CLASP2: variants seen among roughly 807,000 people sequenced by gnomAD.
CLASP2 encodes the protein cytoplasmic linker associated protein 2.
CLASP2 carries 47 observed loss-of-function variants against 194.4 expected under a neutral mutation model. The observed-to-expected ratio is 0.24, with a 90% CI of 0.19 to 0.31. CLASP2 has a LOEUF of 0.31. Ranked by LOEUF, CLASP2 falls within the 10% of genes least tolerant of loss-of-function variation. CLASP2 has a pLI of 1.00. For missense variants in CLASP2, 1,445 were observed against 1,823.6 expected, an observed-to-expected ratio of 0.79 and a Z score of 3.78; for synonymous variants, 619 against 633.5, an observed-to-expected ratio of 0.98 and a Z score of 0.34.
At chr3:33,660,849 CAGTTTT>C (rs944456833) in intron 7 of CLASP2, among the ~76,000 whole-genome samples, 11 of 152,128 alleles carry the variant, frequency 7.2e-5, no homozygotes, top group African/African-American at 1.4e-4. Context: ...ACTTTATTTA[CAGTTTT>C]AGTTTTAGTT....
intron 13 of CLASP2, among the ~76,000 whole-genome samples, chr3:33,609,964 G>A (rs532468848): frequency 5.0e-4 from 76 of 152,292 alleles, no homozygotes; most frequent in South Asian, 4.2e-4. Context: ...TCTGACTCCA[G>A]AACTCACAGT....
At position 33,559,294 on chromosome 3, in the gene CLASP2, C is replaced by A. The variant is rs755950866; in HGVS notation, c.3009+13G>T. The A allele has an allele frequency of 2.0e-6, 3 of 1,465,188 alleles. No homozygotes were observed. The highest frequency in any genetic ancestry group is 2.8e-6 in the Non-Finnish European group (3 of 1,056,376). The allele number at this position is 1,465,188 out of a possible 1,614,324, so 90.8% of individuals were successfully genotyped here. On this transcript the variant is annotated intron_variant, in intron 29 of 38. Transcript: ENST00000682230. Reference sequence around the variant, plus strand: ...ATTCTTTATAATGTCTTCAAAAGATCTCAAAGTTTTACCTTTAAGCTTGGT... The same window carrying A: ...ATTCTTTATAATGTCTTCAAAAGATATCAAAGTTTTACCTTTAAGCTTGGT...
intron 30 of CLASP2, among the ~76,000 whole-genome samples, chr3:33,545,712 C>T (rs1299537626): frequency 2.0e-5 from 3 of 152,042 alleles, no homozygotes; most frequent in African/African-American, 7.2e-5. Flanking sequence ...GAGTTCGAGA[C>T]CAGTCTGGCT....
At chr3:33,583,705 T>C (rs750697408) in intron 22 of CLASP2, among the ~76,000 whole-genome samples, 22 of 152,276 alleles carry the variant, frequency 1.4e-4, no homozygotes, top group Non-Finnish European at 2.4e-4. Flanking sequence ...AAACAAGAAA[T>C]AGAAATATGA....
At chr3:33,626,177 C>A (rs957520533) in intron 10 of CLASP2, among the ~76,000 whole-genome samples, 1 of 151,984 alleles carries the variant, frequency 6.6e-6, no homozygotes, top group African/African-American at 2.4e-5. Flanking sequence ...CAAAAATGGT[C>A]CTTTGTTCAT....
At chr3:33,577,043 G>A (rs1217147198) in intron 23 of CLASP2, among the ~76,000 whole-genome samples, 3 of 101,774 alleles carry the variant, frequency 2.9e-5, no homozygotes, top group Admixed American at 1.2e-4. Context: ...AGGGGAAAAC[G>A]TTACTTGGGA....
At chr3:33,693,439 T>G (rs1187470174) in intron 2 of CLASP2, among the ~76,000 whole-genome samples, 1 of 152,132 alleles carries the variant, frequency 6.6e-6, no homozygotes, top group African/African-American at 2.4e-5. Context: ...TCCTTCCTTT[T>G]ACAGAAAGAC....
rs1402889245 is a variant in CLASP2, at chr3:33,684,457, CT to C, written c.547-2del. Reference sequence around the variant, plus strand: ...TAGCCAATATTGCAGCATCTCTCACCTGTCAAAGAATTCAGAACTTTTTAAT... The same window carrying C: ...TAGCCAATATTGCAGCATCTCTCACCGTCAAAGAATTCAGAACTTTTTAAT... On this transcript the variant is annotated splice_acceptor_variant, in intron 5 of 38. Transcript: ENST00000682230. LOFTEE classifies it high-confidence loss of function. The C allele has an allele frequency of 2.5e-6, 4 of 1,573,852 alleles. No homozygotes were observed. The highest frequency in any genetic ancestry group is 3.5e-6 in the Non-Finnish European group (4 of 1,158,610).
At chr3:33,577,115 A>T in intron 23 of CLASP2, 1 of 999,780 alleles carries the variant, frequency 1.0e-6, no homozygotes, top group Non-Finnish European at 1.4e-6. Context: ...AATCAATTTT[A>T]AAACATGAAT....
chr3:33,511,030 A>ATTT (rs397875429), intron 36 of CLASP2, among the ~76,000 whole-genome samples: 6 of 105,884 alleles, frequency 5.7e-5, no homozygotes, highest in Admixed American at 1.0e-4. Context: ...TGGCTAAAGT[A>ATTT]TTTTTTTTTT....
chr3:33,648,297 G>A (rs2082620720), intron 7 of CLASP2, among the ~76,000 whole-genome samples: 1 of 151,990 alleles, frequency 6.6e-6, no homozygotes, highest in African/African-American at 2.4e-5. Flanking sequence ...AAAGGTTAGG[G>A]AAAGACAGAC....
At chr3:33,640,147 A>G (rs1435854620) in intron 8 of CLASP2, among the ~76,000 whole-genome samples, 1 of 152,234 alleles carries the variant, frequency 6.6e-6, no homozygotes, top group Non-Finnish European at 1.5e-5. Context: ...CAGAAAGCTG[A>G]AAAACAAAAT....
chr3:33,642,225 T>G (rs2081434226), intron 8 of CLASP2, among the ~76,000 whole-genome samples: 1 of 151,922 alleles, frequency 6.6e-6, no homozygotes, highest in African/African-American at 2.4e-5. Context: ...AAGAAATCAT[T>G]GCAGATGTGC....
At chr3:33,605,836 C>T (rs2073706473) in intron 16 of CLASP2, among the ~76,000 whole-genome samples, 1 of 152,104 alleles carries the variant, frequency 6.6e-6, no homozygotes, top group Non-Finnish European at 1.5e-5. Context: ...GTCTCGAACT[C>T]CTGACCTCAG....
chr3:33,589,100 T>C (rs1324584361), intron 21 of CLASP2, among the ~76,000 whole-genome samples: 1 of 152,016 alleles, frequency 6.6e-6, no homozygotes, highest in Admixed American at 6.6e-5. Flanking sequence ...AAGGAACAAC[T>C]ACAATATTGT....
At chr3:33,562,277 C>G (rs1282772627) in intron 27 of CLASP2, among the ~76,000 whole-genome samples, 1 of 152,168 alleles carries the variant, frequency 6.6e-6, no homozygotes, top group African/African-American at 2.4e-5. Context: ...CACCACTACC[C>G]CCATAATCCC....
chr3:33,514,821 TACAC>T (rs62935860), intron 36 of CLASP2: 208 of 164,252 alleles, frequency 1.3e-3, no homozygotes, highest in African/African-American at 3.5e-3. Context: ...TATATGTATA[TACAC>T]ACACACACAC....
intron 8 of CLASP2, among the ~76,000 whole-genome samples, chr3:33,634,085 C>G (rs192797109): frequency 6.6e-6 from 1 of 152,104 alleles, no homozygotes; most frequent in Admixed American, 6.5e-5. Context: ...AAGACAGAGA[C>G]AGTAATCAGA....
chr3:33,711,961 T>C (rs1202652863), intron 1 of CLASP2, among the ~76,000 whole-genome samples: 1 of 152,130 alleles, frequency 6.6e-6, no homozygotes, highest in African/African-American at 2.4e-5. Context: ...GGAGATTCCC[T>C]AAAGAATCCT....
Sources: allele counts gnomAD v4.1 joint callset (sites outside exome capture counted in the v4.1 genomes callset), GRCh38; gene constraint gnomAD v4.1.1; transcripts MANE v1.5; gene names NCBI Gene and HGNC (gene_info 2026-07-23, HGNC 2026-07-21).